ST8SIA6: variants seen among roughly 807,000 people sequenced by gnomAD.
ST8SIA6 encodes ST8 alpha-N-acetyl-neuraminide alpha-2,8-sialyltransferase 6, also known as alpha-2,8-sialyltransferase 8F.
In ST8SIA6, 39 loss-of-function variants were observed where a neutral mutation model predicts 33.6. The observed-to-expected ratio is 1.16, with a 90% CI of 0.90 to 1.52. The LOEUF (loss-of-function observed/expected upper bound fraction) is 1.52. ST8SIA6 is among the 40% of genes most tolerant of loss of function. The pLI is 0.00. For missense variants in ST8SIA6, 441 were observed against 443.8 expected (o/e 0.99, Z 0.06); for synonymous variants, 172 against 167.2 (o/e 1.03, Z -0.22).
intron 7 of ST8SIA6, 110 bp downstream of exon 7, chr10:17,322,955 C>A: frequency 1.1e-6 from 1 of 942,174 alleles, no homozygotes; most frequent in Non-Finnish European, 1.6e-6. Flanking sequence ...AAAACTCATT[C>A]CACCTGTACT....
chr10:17,393,759 G>T (rs1459763820), intron 2 of ST8SIA6, among the ~76,000 whole-genome samples: 1 of 152,156 alleles, frequency 6.6e-6, no homozygotes, highest in African/African-American at 2.4e-5. Flanking sequence ...TAAAGGTAAA[G>T]AAATAAACAA....
intron 2 of ST8SIA6, among the ~76,000 whole-genome samples, chr10:17,413,070 T>G (rs959602584): frequency 1.1e-4 from 16 of 152,302 alleles, no homozygotes; most frequent in Admixed American, 5.2e-4. Flanking sequence ...TAAGGAGAAT[T>G]TGAGATCAGT....
chr10:17,356,399 T>TC (rs1171855286), intron 4 of ST8SIA6, among the ~76,000 whole-genome samples: 1 of 152,028 alleles, frequency 6.6e-6, no homozygotes, highest in East Asian at 1.9e-4. Flanking sequence ...CTTTTTTTTT[T>TC]TTTTTGAGGT....
chr10:17,374,774 T>C, intron 3 of ST8SIA6, among the ~76,000 whole-genome samples: 1 of 148,620 alleles, frequency 6.7e-6, no homozygotes, highest in East Asian at 2.0e-4. Context: ...TATATTTAGC[T>C]CAACTGCCCT....
At chr10:17,378,425 C>G (rs1031420532) in intron 3 of ST8SIA6, among the ~76,000 whole-genome samples, 1 of 152,184 alleles carries the variant, frequency 6.6e-6, no homozygotes, top group African/African-American at 2.4e-5. Flanking sequence ...GTTTTACTCA[C>G]TAATTTGCAC....
At chr10:17,335,042 T>C (rs1848459295) in intron 4 of ST8SIA6, among the ~76,000 whole-genome samples, 1 of 152,222 alleles carries the variant, frequency 6.6e-6, no homozygotes, top group Non-Finnish European at 1.5e-5. Flanking sequence ...AGAATCTCCT[T>C]GTGAAAATAC....
chr10:17,447,113 G>A (rs1024671581), intron 2 of ST8SIA6, among the ~76,000 whole-genome samples: 7 of 151,970 alleles, frequency 4.6e-5, no homozygotes, highest in Non-Finnish European at 8.8e-5. Flanking sequence ...AATTGTGGCC[G>A]GGAGCAGTAG....
chr10:17,331,508 A>G lies in ST8SIA6; in HGVS notation c.422T>C (p.Val141Ala). The stretch of plus-strand genomic sequence containing the variant: ...CCCAACTGGAGTGTTATTCTGAGAA[A>G]CAACAAAGTTTTGAACAGCATCACA... Reference protein sequence around the residue: ...SCCDAVQNFVVSQNNTPVGTN... With the variant: ...SCCDAVQNFVASQNNTPVGTN... The change falls in exon 5 of 8, where the codon GTT (valine) becomes GCT (alanine). Residue 141 changes from valine to alanine, a missense_variant. Val to Ala is a moderately conservative substitution (Grantham distance 64, BLOSUM62 0). Transcript: ENST00000377602. 1 of 1,613,128 alleles carries G rather than the reference A, an allele frequency of 6.2e-7. No individual in the cohort carries two copies. The highest frequency in any genetic ancestry group is 8.5e-7 in the Non-Finnish European group (1 of 1,179,754).
At position 17,408,609 on chromosome 10, in the gene ST8SIA6, G is replaced by A. The variant is rs770673791; in HGVS notation, c.201-17989C>T. On this transcript the variant is annotated intron_variant, in intron 2 of 7. Coordinates refer to ENST00000377602, the MANE Select transcript of ST8SIA6 (RefSeq NM_001004470.3). ...CGGGAGGTGGAGGTTGCAGTGAGCC[G>A]CGATGGTGCCACTGCACTCCAGCCT... 3.3e-5 allele frequency among the ~76,000 whole-genome samples: 5 copies of A among 151,696 alleles called. No homozygotes were observed. The South Asian group carries it at 6.2e-4, about 19-fold the overall frequency.
At position 17,390,520 on chromosome 10, in the gene ST8SIA6, G is replaced by A. The variant is rs750720384; in HGVS notation, c.290+11C>T. On this transcript the variant is annotated intron_variant, in intron 3 of 7. Coordinates refer to ENST00000377602, the MANE Select transcript of ST8SIA6 (RefSeq NM_001004470.3). ...TGTAAAAGGAAATTAAATGTGAAGA[G>A]TAGAACTTACCCTTTCGTTTTGTTA... The A allele has an allele frequency of 2.1e-5, 34 of 1,599,690 alleles. No homozygotes were observed. The highest frequency in any genetic ancestry group is 1.6e-4 in the African/African-American group (12 of 74,420).
intron 4 of ST8SIA6, among the ~76,000 whole-genome samples, chr10:17,344,962 G>C (rs17140612): frequency 0.2 from 30,979 of 151,576 alleles, 3,343 homozygotes; most frequent in African/African-American, 0.26. Context: ...CAAGCACTTA[G>C]TACTATTCTT....
intron 3 of ST8SIA6, among the ~76,000 whole-genome samples, chr10:17,390,168 G>T (rs572251306): frequency 6.6e-6 from 1 of 152,160 alleles, no homozygotes; most frequent in East Asian, 1.9e-4. Flanking sequence ...TTTTTGTAGA[G>T]ATGAGGGTTT....
At chr10:17,349,817 C>T (rs1848971489) in intron 4 of ST8SIA6, among the ~76,000 whole-genome samples, 1 of 152,146 alleles carries the variant, frequency 6.6e-6, no homozygotes, top group Admixed American at 6.5e-5. Context: ...CTTTCCAACT[C>T]CTAGTTCCTA....
Position 17,327,003 on chromosome 10 carries a change from T to A in ST8SIA6, c.635+11A>T, listed in dbSNP as rs41306915. 0.021 allele frequency: 33,747 copies of A among 1,574,818 alleles called. 440 individuals are homozygous for A. Among genetic ancestry groups the A allele is most frequent in the Non-Finnish European group, 0.024 (28,001 of 1,158,416 alleles). On this transcript the variant is annotated intron_variant, in intron 6 of 7. Coordinates refer to ENST00000377602, the MANE Select transcript of ST8SIA6 (RefSeq NM_001004470.3). ...CTATTGTTTCAAAGAAACCAATTTG[T>A]CAGGTCTTACCTAAAAACGAAGTCG...
At chr10:17,370,756 T>G (rs1849707883) in intron 3 of ST8SIA6, among the ~76,000 whole-genome samples, 1 of 152,220 alleles carries the variant, frequency 6.6e-6, no homozygotes, top group African/African-American at 2.4e-5. Context: ...ACTTCCTTGG[T>G]GCTGTTAATG....
intron 2 of ST8SIA6, among the ~76,000 whole-genome samples, chr10:17,412,699 A>C (rs567836994): frequency 1.3e-5 from 2 of 152,348 alleles, no homozygotes; most frequent in East Asian, 3.9e-4. Flanking sequence ...GAATGGGTAA[A>C]TATCTGTAAG....
chr10:17,350,492 C>T (rs933847345), intron 4 of ST8SIA6, among the ~76,000 whole-genome samples: 1 of 152,074 alleles, frequency 6.6e-6, no homozygotes. Context: ...AGTTCGAGAC[C>T]AGCCTGGGCC....
intron 2 of ST8SIA6, among the ~76,000 whole-genome samples, chr10:17,424,156 T>G (rs1193281989): frequency 6.6e-6 from 1 of 150,796 alleles, no homozygotes; most frequent in African/African-American, 2.4e-5. Flanking sequence ...CAGGCTGGAG[T>G]GCAGTGGTGC....
intron 2 of ST8SIA6, among the ~76,000 whole-genome samples, chr10:17,394,850 A>G (rs1850749541): frequency 6.6e-6 from 1 of 152,174 alleles, no homozygotes; most frequent in South Asian, 2.1e-4. Context: ...GGGGATTGAG[A>G]GAAATTGATC....
Sources: gnomAD v4.1 joint callset for allele counts (sites outside exome capture counted in the v4.1 genomes callset) on GRCh38, gnomAD v4.1.1 for gene constraint, MANE v1.5 for transcripts, NCBI Gene and HGNC (gene_info 2026-07-23, HGNC 2026-07-21) for gene names.